Variants in GAB2 observed in about 807,000 individuals in gnomAD.
GAB2 encodes GRB2-associated-binding protein 2.
A neutral mutation model predicts 65.5 loss-of-function variants in GAB2; 26 were observed. The observed-to-expected ratio is 0.40, with a 90% CI of 0.29 to 0.55. The LOEUF (loss-of-function observed/expected upper bound fraction) is 0.55, where lower values mean the gene tolerates loss of function less well. GAB2 is among the 20% of genes least tolerant of loss of function. The pLI, the probability that GAB2 is intolerant of heterozygous loss-of-function variation, is 0.53. For synonymous variants in GAB2, 321 were observed against 329.6 expected (o/e 0.97, Z 0.28); for missense variants, 884 against 875.8 (o/e 1.01, Z -0.12).
chr11:78,334,620 A>C (rs562208037), intron 1 of GAB2, among the ~76,000 whole-genome samples: 102 of 152,362 alleles, frequency 6.7e-4, no homozygotes, highest in Non-Finnish European at 9.0e-4. Context: ...GTAATTGTGT[A>C]TAAGTACCAC....
At chr11:78,284,702 C>A (rs752095391) in intron 1 of GAB2, among the ~76,000 whole-genome samples, 12 of 152,136 alleles carry the variant, frequency 7.9e-5, no homozygotes, top group Non-Finnish European at 1.5e-4. Flanking sequence ...TCTTTCCCCC[C>A]TTACCCTGCT....
At chr11:78,237,448 A>C (rs1243355635) in intron 3 of GAB2, among the ~76,000 whole-genome samples, 1 of 152,252 alleles carries the variant, frequency 6.6e-6, no homozygotes, top group African/African-American at 2.4e-5. Flanking sequence ...AGTACTTACA[A>C]TATGATTCCA....
At chr11:78,285,265 A>G (rs533342810) in intron 1 of GAB2, among the ~76,000 whole-genome samples, 1 of 152,350 alleles carries the variant, frequency 6.6e-6, no homozygotes, top group African/African-American at 2.4e-5. Context: ...GCAAGCACAA[A>G]AAACACAGAC....
intron 1 of GAB2, among the ~76,000 whole-genome samples, chr11:78,304,336 A>G (rs1297202071): frequency 6.6e-6 from 1 of 152,170 alleles, no homozygotes; most frequent in African/African-American, 2.4e-5. Flanking sequence ...CCAAAAAGCA[A>G]TCCCATACCC....
intron 1 of GAB2, among the ~76,000 whole-genome samples, chr11:78,346,722 A>ATATATATATATATATATATT (rs1565168352): frequency 3.2e-5 from 1 of 30,794 alleles, no homozygotes; most frequent in Non-Finnish European, 5.7e-5. Context: ...TATATATATA[A>ATATATATATATATATATATT]TTTTTTTTTT....
intron 1 of GAB2, among the ~76,000 whole-genome samples, chr11:78,293,267 C>T (rs768479366): frequency 1.1e-4 from 17 of 152,180 alleles, no homozygotes; most frequent in Non-Finnish European, 7.3e-5. Flanking sequence ...AACTTATTTG[C>T]TCCTCGGGCA....
intron 1 of GAB2, among the ~76,000 whole-genome samples, chr11:78,414,703 T>A (rs1475528109): frequency 6.6e-6 from 1 of 152,164 alleles, no homozygotes; most frequent in Non-Finnish European, 1.5e-5. Context: ...TTTTTGCAAT[T>A]TCTCCAGGGC....
chr11:78,271,309 C>T (rs1468750967), intron 2 of GAB2, among the ~76,000 whole-genome samples: 1 of 152,180 alleles, frequency 6.6e-6, no homozygotes, highest in African/African-American at 2.4e-5. Flanking sequence ...TTCCAAGAGG[C>T]AGGTGAGGTT....
chr11:78,354,477 T>G (rs958930733), intron 1 of GAB2, among the ~76,000 whole-genome samples: 2 of 152,024 alleles, frequency 1.3e-5, no homozygotes, highest in African/African-American at 4.8e-5. Context: ...AAAACTAAAA[T>G]GTTCAAGAGT....
chr11:78,382,018 C>T (rs1856703991), intron 1 of GAB2, among the ~76,000 whole-genome samples: 1 of 152,222 alleles, frequency 6.6e-6, no homozygotes, highest in Admixed American at 6.5e-5. Flanking sequence ...TCCAGCGTGT[C>T]AGTAACAAGT....
intron 3 of GAB2, among the ~76,000 whole-genome samples, chr11:78,231,336 G>GTGGTGTGTGTGTGTGTGTGTGT (rs1554975133): frequency 6.9e-6 from 1 of 145,796 alleles, no homozygotes; most frequent in African/African-American, 2.6e-5. Flanking sequence ...GCGCGTGTGT[G>GTGGTGTGTGTGTGTGTGTGTGT]GTGTGTGTGT....
intron 1 of GAB2, among the ~76,000 whole-genome samples, chr11:78,374,322 CG>C (rs543154223): frequency 1.0e-3 from 157 of 152,244 alleles, no homozygotes; most frequent in African/African-American, 3.7e-3. Context: ...ACAAATAATC[CG>C]GTATTTGTCA....
At chr11:78,334,121 T>G (rs1194522974) in intron 1 of GAB2, among the ~76,000 whole-genome samples, 1 of 152,220 alleles carries the variant, frequency 6.6e-6, no homozygotes, top group African/African-American at 2.4e-5. Context: ...TGTAACTTTT[T>G]TAATTTAATT....
chr11:78,259,050 G>A (rs1204650980), intron 2 of GAB2, among the ~76,000 whole-genome samples: 2 of 151,886 alleles, frequency 1.3e-5, no homozygotes, highest in Non-Finnish European at 2.9e-5. Flanking sequence ...GTAGGCCCCT[G>A]TGCCTGTTGT....
chr11:78,307,755 A>G (rs1034276820), intron 1 of GAB2, among the ~76,000 whole-genome samples: 1 of 152,256 alleles, frequency 6.6e-6, no homozygotes, highest in Non-Finnish European at 1.5e-5. Context: ...AATAAAGTGT[A>G]TGAGTTATTT....
intron 1 of GAB2, among the ~76,000 whole-genome samples, chr11:78,377,892 C>A (rs1856651668): frequency 6.6e-6 from 1 of 152,186 alleles, no homozygotes; most frequent in Non-Finnish European, 1.5e-5. Context: ...TACTGAATAA[C>A]TGGATACTTG....
At chr11:78,257,449 T>G (rs1240909934) in intron 2 of GAB2, among the ~76,000 whole-genome samples, 1 of 152,198 alleles carries the variant, frequency 6.6e-6, no homozygotes, top group Non-Finnish European at 1.5e-5. Flanking sequence ...CTTGGATATG[T>G]TAATAAGCCT....
intron 2 of GAB2, among the ~76,000 whole-genome samples, chr11:78,277,556 G>A (rs118136628): frequency 6.6e-6 from 1 of 152,370 alleles, no homozygotes; most frequent in Non-Finnish European, 1.5e-5. Flanking sequence ...CGCACACTAT[G>A]AGGCAAAATG....
Position 78,328,189 on chromosome 11 carries a change from T to C in GAB2, c.76-47288A>G, listed in dbSNP as rs574588727. On this transcript the variant is annotated intron_variant, in intron 1 of 9. Transcript: ENST00000361507. ...AACACTAGGCACTCTCGGGTCCACA[T>C]TGTTTGATAAAATAAATCCTGGGTC... Among the ~76,000 whole-genome samples, 5 of 152,336 alleles carry C rather than the reference T, an allele frequency of 3.3e-5. No individual in the cohort carries two copies. In the South Asian group the frequency reaches 1.0e-3, roughly 32 times the overall value.
Sources: allele counts gnomAD v4.1 joint callset (sites outside exome capture counted in the v4.1 genomes callset), GRCh38; gene constraint gnomAD v4.1.1; transcripts MANE v1.5; gene names NCBI Gene and HGNC (gene_info 2026-07-23, HGNC 2026-07-21).